MARCHF4: variants seen among roughly 807,000 people sequenced by gnomAD.
MARCHF4 encodes the protein membrane associated ring-CH-type finger 4.
MARCHF4 carries 14 observed loss-of-function variants against 43.9 expected under a neutral mutation model. That is an observed-to-expected ratio of 0.32 (90% CI 0.21 to 0.50). The LOEUF (loss-of-function observed/expected upper bound fraction) is 0.50. MARCHF4 is among the 20% of genes least tolerant of loss of function. The pLI, the probability that MARCHF4 is intolerant of heterozygous loss-of-function variation, is 0.98. For synonymous variants in MARCHF4, 226 were observed against 213.3 expected, an observed-to-expected ratio of 1.06 and a Z score of -0.52; for missense variants, 468 against 536.7, an observed-to-expected ratio of 0.87 and a Z score of 1.27.
intron 1 of MARCHF4, among the ~76,000 whole-genome samples, chr2:216,354,907 C>CTTT (rs1171763593): frequency 2.9e-5 from 2 of 68,186 alleles, no homozygotes; most frequent in Non-Finnish European, 5.5e-5. Flanking sequence ...TTCTTTCTTT[C>CTTT]TTTCTTTCTT....
chr2:216,263,456 AGAG>A (rs1440085990), intron 3 of MARCHF4, among the ~76,000 whole-genome samples: 1 of 150,350 alleles, frequency 6.7e-6, no homozygotes, highest in African/African-American at 2.5e-5. Flanking sequence ...AGAGAGAGAG[AGAG>A]AAAGAAAGAG....
At chr2:216,358,154 T>G (rs914723081) in intron 1 of MARCHF4, among the ~76,000 whole-genome samples, 1 of 152,238 alleles carries the variant, frequency 6.6e-6, no homozygotes, top group East Asian at 1.9e-4. Flanking sequence ...ACAGGTACTA[T>G]TATTATCATT....
At chr2:216,310,343 C>T (rs2105955764) in intron 1 of MARCHF4, among the ~76,000 whole-genome samples, 1 of 152,270 alleles carries the variant, frequency 6.6e-6, no homozygotes, top group Non-Finnish European at 1.5e-5. Flanking sequence ...CTCACCGCAG[C>T]CTCAACCTTC....
At chr2:216,363,753 A>G (rs1482627940) in intron 1 of MARCHF4, among the ~76,000 whole-genome samples, 1 of 152,142 alleles carries the variant, frequency 6.6e-6, no homozygotes, top group Admixed American at 6.5e-5. Context: ...AAAATTTACA[A>G]TTGCAGCAAC....
At chr2:216,289,817 A>G (rs1332465418) in intron 1 of MARCHF4, among the ~76,000 whole-genome samples, 1 of 152,222 alleles carries the variant, frequency 6.6e-6, no homozygotes, top group Non-Finnish European at 1.5e-5. Flanking sequence ...AAAGGAGACA[A>G]TAGGAACACC....
intron 1 of MARCHF4, among the ~76,000 whole-genome samples, chr2:216,291,523 T>C (rs146584564): frequency 1.3e-5 from 2 of 152,224 alleles, no homozygotes; most frequent in East Asian, 3.9e-4. Flanking sequence ...AAATGGCTCA[T>C]CTGTGAAACT....
chr2:216,349,048 T>C (rs1446171771), intron 1 of MARCHF4, among the ~76,000 whole-genome samples: 1 of 151,716 alleles, frequency 6.6e-6, no homozygotes, highest in Non-Finnish European at 1.5e-5. Flanking sequence ...TATCGGTCAG[T>C]TTGGGCTTGT....
chr2:216,324,783 C>G (rs200770820), intron 1 of MARCHF4, among the ~76,000 whole-genome samples: 1 of 115,072 alleles, frequency 8.7e-6, no homozygotes, highest in African/African-American at 4.0e-5. Context: ...GCTAAAAACT[C>G]TCAATAAATT....
At chr2:216,323,842 A>G (rs1438481014) in intron 1 of MARCHF4, among the ~76,000 whole-genome samples, 2 of 152,246 alleles carry the variant, frequency 1.3e-5, no homozygotes, top group Admixed American at 6.5e-5. Context: ...ATAGCACTAA[A>G]TGCCCACAAG....
chr2:216,283,178 C>T (rs1037760675), intron 2 of MARCHF4, among the ~76,000 whole-genome samples: 3 of 151,554 alleles, frequency 2.0e-5, no homozygotes, highest in Admixed American at 1.3e-4. Flanking sequence ...TCTCTTCTGC[C>T]CTCTGGCCTT....
chr2:216,367,382 ATC>A (rs908485201), intron 1 of MARCHF4, among the ~76,000 whole-genome samples: 3 of 146,136 alleles, frequency 2.1e-5, no homozygotes, highest in African/African-American at 7.6e-5. Flanking sequence ...TTGCCTCTCT[ATC>A]TCTCTCTTCC....
At chr2:216,340,950 G>A (rs998106892) in intron 1 of MARCHF4, among the ~76,000 whole-genome samples, 1 of 152,102 alleles carries the variant, frequency 6.6e-6, no homozygotes, top group Non-Finnish European at 1.5e-5. Flanking sequence ...GACTCACACC[G>A]AAGCCCCCTG....
At chr2:216,323,906 A>G (rs1377541591) in intron 1 of MARCHF4, among the ~76,000 whole-genome samples, 6 of 152,254 alleles carry the variant, frequency 3.9e-5, no homozygotes, top group Non-Finnish European at 8.8e-5. Context: ...TAAAAGAACT[A>G]GAAAAGCAAG....
rs185050509 is a variant in MARCHF4, at chr2:216,353,264, A to G, written c.516+16481T>C. ...CAGGGGTTAGCCCCAAATTCACTAG[A>G]AAATCAAATTAACCATAAACTCCCA... On this transcript the variant is annotated intron_variant, in intron 1 of 3. Transcript: ENST00000273067. Among the ~76,000 whole-genome samples, 4 of 152,362 alleles carry G rather than the reference A, an allele frequency of 2.6e-5. No individual in the cohort carries two copies. In the East Asian group the frequency reaches 5.8e-4, roughly 22 times the overall value.
intron 3 of MARCHF4, among the ~76,000 whole-genome samples, 166 bp downstream of exon 3, chr2:216,277,506 C>T (rs1279193813): frequency 1.3e-5 from 2 of 152,172 alleles, no homozygotes; most frequent in African/African-American, 4.8e-5. Flanking sequence ...CCTCCCCCTT[C>T]CCATCCACCC....
At chr2:216,286,960 G>C (rs1257402800) in intron 1 of MARCHF4, among the ~76,000 whole-genome samples, 1 of 152,202 alleles carries the variant, frequency 6.6e-6, no homozygotes, top group African/African-American at 2.4e-5. Flanking sequence ...CAATATAAGA[G>C]ATATCTCTGA....
At chr2:216,267,548 G>A (rs1442605117) in intron 3 of MARCHF4, among the ~76,000 whole-genome samples, 1 of 152,112 alleles carries the variant, frequency 6.6e-6, no homozygotes, top group Non-Finnish European at 1.5e-5. Context: ...ACTTCTATTG[G>A]GTTAAACCAC....
At chr2:216,271,403 T>G (rs1291756881) in intron 3 of MARCHF4, among the ~76,000 whole-genome samples, 1 of 152,220 alleles carries the variant, frequency 6.6e-6, no homozygotes, top group Non-Finnish European at 1.5e-5. Flanking sequence ...TAAGCCTTCC[T>G]GGACTCCCCC....
At chr2:216,302,305 G>A (rs956545690) in intron 1 of MARCHF4, among the ~76,000 whole-genome samples, 1 of 151,096 alleles carries the variant, frequency 6.6e-6, no homozygotes, top group Non-Finnish European at 1.5e-5. Flanking sequence ...TGCAAGCTCC[G>A]CCTCCTGGGT....
Sources: gnomAD v4.1 joint callset for allele counts (sites outside exome capture counted in the v4.1 genomes callset) on GRCh38, gnomAD v4.1.1 for gene constraint, MANE v1.5 for transcripts, NCBI Gene and HGNC (gene_info 2026-07-23, HGNC 2026-07-21) for gene names.